Variants in IKBKB observed in about 807,000 individuals in gnomAD.
IKBKB encodes inhibitor of nuclear factor kappa-B kinase subunit beta.
IKBKB carries 42 observed loss-of-function variants against 113.6 expected under a neutral mutation model. The observed-to-expected ratio is 0.37, with a 90% CI of 0.29 to 0.48. The LOEUF is 0.48. Ranked by LOEUF, IKBKB falls within the 20% of genes least tolerant of loss-of-function variation. IKBKB has a pLI of 0.99. For missense variants in IKBKB, 673 were observed against 939.7 expected, an observed-to-expected ratio of 0.72 and a Z score of 3.71; for synonymous variants, 296 against 361.3, an observed-to-expected ratio of 0.82 and a Z score of 2.05.
chr8:42,302,482 G>C (rs1388020522), intron 5 of IKBKB, among the ~76,000 whole-genome samples: 4 of 152,058 alleles, frequency 2.6e-5, no homozygotes, highest in African/African-American at 7.2e-5. Flanking sequence ...GAGAGATCTG[G>C]CACCACAGAT....
chr8:42,329,534 T>C, intron 21 of IKBKB: 1 of 887,872 alleles, frequency 1.1e-6, no homozygotes, highest in South Asian at 5.2e-5. Flanking sequence ...CATTTTTTAT[T>C]ATTCATAATA....
chr8:42,293,506 G>A lies in IKBKB; in HGVS notation c.382G>A (p.Asp128Asn), dbSNP rs1813080383. The A allele has an allele frequency of 6.2e-7, 1 of 1,614,080 alleles. No homozygotes were observed. Among genetic ancestry groups the A allele is most frequent in the Admixed American group, 1.7e-5 (1 of 60,004 alleles). Residue 128 changes from aspartate (D) to asparagine (N), a missense_variant, in exon 5 of 22, where the codon GAC becomes AAC. Asp to Asn is a conservative substitution (Grantham distance 23, BLOSUM62 1). This residue lies in a region of IKBKB where 167 missense variants were observed against 301.0 expected (regional missense o/e 0.55). Transcript: ENST00000520810. ...REGAILTLLS[D>N]IASALRYLHE... The stretch of plus-strand genomic sequence containing the variant: ...AGGTGCCATCCTCACCTTGCTGAGT[G>A]ACATTGGTAAATCCCAGTCCCGGAA...
At chr8:42,304,635 C>T (rs1472264184) in intron 5 of IKBKB, among the ~76,000 whole-genome samples, 1 of 152,186 alleles carries the variant, frequency 6.6e-6, no homozygotes, top group East Asian at 1.9e-4. Context: ...CCTCTTCTGC[C>T]TCCCCGCTGC....
Position 42,331,317 on chromosome 8 carries a change from T to C in IKBKB, c.*338T>C, listed in dbSNP as rs2130745713. 1 of 702,670 alleles carries C rather than the reference T, an allele frequency of 1.4e-6. No individual in the cohort carries two copies. Among genetic ancestry groups the C allele is most frequent in the South Asian group, 1.5e-5 (1 of 67,580 alleles). The allele number at this position is 702,670 out of a possible 1,614,324, so 43.5% of individuals were successfully genotyped here. On this transcript the variant is annotated 3_prime_UTR_variant, in exon 22 of 22. Coordinates refer to ENST00000520810, the MANE Select transcript of IKBKB (RefSeq NM_001556.3). ...CCACAAACGTTCAGGGGTACAGCCATGGCAGCTCCTTCCTCTGCCGTGAGA... is the reference window on the plus strand; with the variant it reads ...CCACAAACGTTCAGGGGTACAGCCACGGCAGCTCCTTCCTCTGCCGTGAGA...
chr8:42,326,454 G>T, intron 20 of IKBKB: 2 of 193,424 alleles, frequency 1.0e-5, no homozygotes, highest in South Asian at 9.5e-5. Context: ...TTGAGTTACC[G>T]AGTCACCACC....
At chr8:42,315,407 G>A (rs1818483512) in intron 9 of IKBKB, among the ~76,000 whole-genome samples, 1 of 152,158 alleles carries the variant, frequency 6.6e-6, no homozygotes, top group Admixed American at 6.5e-5. Context: ...AAAGGAGGAA[G>A]GAAATTCTAA....
chr8:42,325,643 A>C lies in IKBKB; in HGVS notation c.1987-327A>C. ...GCAGTGAGCCAAGATCGCACATCGC[A>C]CTTCAGCCCAGGCGACAGAGCAAGA... On this transcript the variant is annotated intron_variant, in intron 19 of 21. Coordinates refer to ENST00000520810, the MANE Select transcript of IKBKB (RefSeq NM_001556.3). The C allele has an allele frequency of 3.8e-6, 4 of 1,058,668 alleles. No individual in the cohort carries two copies. In the South Asian group the frequency reaches 8.8e-5, roughly 23 times the overall value. The allele number at this position is 1,058,668 out of a possible 1,614,324, so 65.6% of individuals were successfully genotyped here. A position where few individuals can be genotyped will look rare whatever the true frequency, so the allele number is the denominator to read the frequency against.
At chr8:42,328,675 A>G (rs1821266442) in intron 20 of IKBKB, among the ~76,000 whole-genome samples, 1 of 152,234 alleles carries the variant, frequency 6.6e-6, no homozygotes, top group Non-Finnish European at 1.5e-5. Flanking sequence ...GAGAGAGATC[A>G]GATTAGATGA....
rs1821738382 is a variant in IKBKB at position 42,332,051 on chromosome 8, C to T, written c.*1072C>T. The T allele has an allele frequency of 6.6e-6, 1 of 152,614 alleles. No individual in the cohort carries two copies. Among genetic ancestry groups the T allele is most frequent in the African/African-American group, 2.4e-5 (1 of 41,414 alleles). 9.5% of individuals were successfully genotyped at this position (152,614 alleles called of 1,614,324 possible). A position where few individuals can be genotyped will look rare whatever the true frequency, so the allele number is the denominator to read the frequency against. On this transcript the variant is annotated 3_prime_UTR_variant, in exon 22 of 22. Coordinates refer to ENST00000520810, the MANE Select transcript of IKBKB (RefSeq NM_001556.3). ...TATAGTGCCTGGATCATTACTAGTGCCATAACCCTGCTTCTTCAACATTTC... is the reference window on the plus strand; with the variant it reads ...TATAGTGCCTGGATCATTACTAGTGTCATAACCCTGCTTCTTCAACATTTC...
In IKBKB at chr8:42,295,543, G is replaced by A. The variant is rs539539831; in HGVS notation, c.388+2031G>A. On this transcript the variant is annotated intron_variant, in intron 5 of 21. Coordinates refer to ENST00000520810, the MANE Select transcript of IKBKB (RefSeq NM_001556.3). ...AGTTCAAGACCAGCCTGACCGAGAT[G>A]CTGAAACCCCATCTCTACCAAAAAC... Among the ~76,000 whole-genome samples, 12 of 152,306 alleles carry A rather than the reference G, an allele frequency of 7.9e-5. No individual in the cohort carries two copies. The East Asian group carries it at 1.9e-3, about 25-fold the overall frequency.
At chr8:42,293,298 C>T (rs1813037671) in intron 4 of IKBKB, 145 bp from the exon 5 acceptor site, 1 of 913,388 alleles carries the variant, frequency 1.1e-6, no homozygotes, top group Non-Finnish European at 1.7e-6. Context: ...GCTAGTTCTG[C>T]AGCCCTGGCT....
At chr8:42,314,180 C>T (rs1220825103) in intron 8 of IKBKB, 142 bp from the exon 9 acceptor site, 69 of 690,822 alleles carry the variant, frequency 1.0e-4, no homozygotes, top group Non-Finnish European at 4.8e-5. Context: ...GTGTACGATA[C>T]AGCCTAGGTC....
At chr8:42,308,876 G>T in intron 7 of IKBKB, 25 bp from the exon 8 acceptor site, 1 of 1,612,302 alleles carries the variant, frequency 6.2e-7, no homozygotes, top group Non-Finnish European at 8.5e-7. Context: ...GAGCAGCTCA[G>T]GTGTACCCCC....
intron 20 of IKBKB, chr8:42,326,298 T>A (rs1820720632): frequency 1.6e-6 from 1 of 608,632 alleles, no homozygotes; most frequent in Non-Finnish European, 2.8e-6. Flanking sequence ...AACTAGTTTC[T>A]TTGTCCAAGG....
At chr8:42,315,709 A>G (rs905876046) in intron 9 of IKBKB, among the ~76,000 whole-genome samples, 10 of 152,046 alleles carry the variant, frequency 6.6e-5, no homozygotes, top group African/African-American at 2.4e-4. Flanking sequence ...CACCCAGGCT[A>G]GAGTGCAGTG....
chr8:42,325,998 G>T lies in IKBKB; in HGVS notation c.2015G>T (p.Ser672Ile). ...CSKVRGPVSGSPDSMNASRLS... is the reference protein window; with the variant it reads ...CSKVRGPVSGIPDSMNASRLS... Reference sequence around the variant, plus strand: ...AAGGTCCGTGGTCCTGTCAGTGGAAGCCCGGATAGCATGAATGCCTCTCGA... The same window carrying T: ...AAGGTCCGTGGTCCTGTCAGTGGAATCCCGGATAGCATGAATGCCTCTCGA... Residue 672 changes from serine to isoleucine, a missense_variant, in exon 20 of 22, where the codon AGC becomes ATC. Ser to Ile is a moderately radical substitution (Grantham distance 142). Transcript: ENST00000520810. The T allele has an allele frequency of 6.2e-7, 1 of 1,614,206 alleles. No homozygotes were observed. The highest frequency in any genetic ancestry group is 8.5e-7 in the Non-Finnish European group (1 of 1,180,026).
chr8:42,317,624 C>A (rs749323006), intron 11 of IKBKB, 33 bp from the exon 12 acceptor site: 1 of 1,380,534 alleles, frequency 7.2e-7, no homozygotes, highest in South Asian at 1.2e-5. Flanking sequence ...GGGTTGGATC[C>A]ACAAGATTCA....
chr8:42,293,357 G>C (rs1813050685), intron 4 of IKBKB, 86 bp from the exon 5 acceptor site: 1 of 1,551,354 alleles, frequency 6.4e-7, no homozygotes, highest in Non-Finnish European at 8.8e-7. Flanking sequence ...TCAGCACTCT[G>C]GTCACATGGG....
intron 19 of IKBKB, 120 bp from the exon 20 acceptor site, chr8:42,325,850 C>T: frequency 6.5e-7 from 1 of 1,532,298 alleles, no homozygotes; most frequent in South Asian, 1.3e-5. Context: ...AACTGGTAGG[C>T]TGTAGGGTTA....
Sources: allele counts gnomAD v4.1 joint callset (sites outside exome capture counted in the v4.1 genomes callset), GRCh38; gene constraint gnomAD v4.1.1; regional missense constraint gnomAD v4.1.1; transcripts MANE v1.5; gene names NCBI Gene and HGNC (gene_info 2026-07-23, HGNC 2026-07-21).